CNTNAP5: variants seen among roughly 807,000 people sequenced by gnomAD.
CNTNAP5 encodes the protein contactin associated protein family member 5.
A neutral mutation model predicts 150.2 loss-of-function variants in CNTNAP5; 72 were observed. The observed-to-expected ratio is 0.48, with a 90% CI of 0.40 to 0.58. The LOEUF (loss-of-function observed/expected upper bound fraction) is 0.58. Ranked by LOEUF, CNTNAP5 falls within the 20% of genes least tolerant of loss-of-function variation. CNTNAP5 has a pLI of 0.00. For missense variants in CNTNAP5, 1,636 were observed against 1,626.2 expected, an observed-to-expected ratio of 1.01 and a Z score of -0.10; for synonymous variants, 672 against 619.8, an observed-to-expected ratio of 1.08 and a Z score of -1.25.
rs55913869 is a variant in CNTNAP5, at chr2:124,510,305, A to ATC, written c.1327+5750_1327+5751insCT. ...TATATCTATATATCTATATATCTAT[A>ATC]TATATATCTATATATCTATCTATAT... On this transcript the variant is annotated intron_variant, in intron 8 of 23. Transcript: ENST00000682447. Among the ~76,000 whole-genome samples the ATC allele has an allele frequency of 1.0e-3, 99 of 96,256 alleles. 1 individual carries two copies. Among genetic ancestry groups the ATC allele is most frequent in the African/African-American group, 3.1e-3 (67 of 21,932 alleles). The allele number at this position is 96,256 out of a possible 152,430, so 63.1% of individuals were successfully genotyped here. A position where few individuals can be genotyped will look rare whatever the true frequency, so the allele number is the denominator to read the frequency against.
intron 19 of CNTNAP5, among the ~76,000 whole-genome samples, chr2:124,815,522 C>T (rs1480003968): frequency 6.6e-6 from 1 of 152,098 alleles, no homozygotes; most frequent in African/African-American, 2.4e-5. Flanking sequence ...CCAGAGCGGC[C>T]GAGCTTTCGT....
intron 12 of CNTNAP5, among the ~76,000 whole-genome samples, chr2:124,610,760 A>G (rs1009197387): frequency 1.3e-5 from 2 of 152,136 alleles, no homozygotes; most frequent in African/African-American, 4.8e-5. Context: ...GGAGATCCAG[A>G]CCATCCTGGC....
At chr2:124,646,948 G>A (rs1364277675) in intron 12 of CNTNAP5, among the ~76,000 whole-genome samples, 1 of 152,094 alleles carries the variant, frequency 6.6e-6, no homozygotes, top group Non-Finnish European at 1.5e-5. Context: ...ACTCTAGCCA[G>A]GGCAACAGAG....
chr2:124,098,129 A>G (rs1558754516), intron 1 of CNTNAP5, among the ~76,000 whole-genome samples: 1 of 152,248 alleles, frequency 6.6e-6, no homozygotes, highest in Non-Finnish European at 1.5e-5. Flanking sequence ...AGCCTCAGTG[A>G]TCACGTAAAC....
chr2:124,027,148 T>C (rs1680913860), intron 1 of CNTNAP5, among the ~76,000 whole-genome samples: 1 of 152,240 alleles, frequency 6.6e-6, no homozygotes, highest in Admixed American at 6.5e-5. Flanking sequence ...TAGGAGCCGT[T>C]GGAATCTGAG....
intron 19 of CNTNAP5, among the ~76,000 whole-genome samples, chr2:124,842,376 G>T (rs932184547): frequency 6.6e-6 from 1 of 152,124 alleles, no homozygotes; most frequent in African/African-American, 2.4e-5. Context: ...GAACCTGTTT[G>T]ATTTTGCTTG....
chr2:124,228,353 C>T (rs1220523992), intron 2 of CNTNAP5, among the ~76,000 whole-genome samples: 5 of 152,110 alleles, frequency 3.3e-5, no homozygotes, highest in South Asian at 2.1e-4. Context: ...GATTCAAATG[C>T]CAATATTTTC....
rs143330108 is a variant in CNTNAP5, at chr2:124,912,897, A to G, written c.3728-1195A>G. On this transcript the variant is annotated intron_variant, in intron 23 of 23. Transcript: ENST00000682447. The stretch of plus-strand genomic sequence containing the variant: ...TTAATGCAGCATCCCACTCATGGGA[A>G]TCACTCACTACCACCCAGTTTATTC... 2.9e-3 allele frequency among the ~76,000 whole-genome samples: 448 copies of G among 152,172 alleles called. 3 individuals are homozygous for G. Among genetic ancestry groups the G allele is most frequent in the African/African-American group, 9.9e-3 (410 of 41,556 alleles).
chr2:124,532,065 G>T (rs1695123393), intron 10 of CNTNAP5, among the ~76,000 whole-genome samples: 1 of 152,136 alleles, frequency 6.6e-6, no homozygotes, highest in South Asian at 2.1e-4. Context: ...AAGCTGTAGG[G>T]TGTGGGTTCT....
At chr2:124,418,945 T>G (rs899901416) in intron 4 of CNTNAP5, among the ~76,000 whole-genome samples, 1 of 149,956 alleles carries the variant, frequency 6.7e-6, no homozygotes, top group Non-Finnish European at 1.5e-5. Flanking sequence ...CCATCCTGGC[T>G]AACAAGGTGA....
At chr2:124,357,076 C>T (rs1444474514) in intron 3 of CNTNAP5, among the ~76,000 whole-genome samples, 1 of 152,168 alleles carries the variant, frequency 6.6e-6, no homozygotes, top group Non-Finnish European at 1.5e-5. Context: ...AGCATTTTTT[C>T]ATGTGCTTTT....
chr2:124,488,492 A>T (rs1353370981), intron 7 of CNTNAP5, among the ~76,000 whole-genome samples: 1 of 152,220 alleles, frequency 6.6e-6, no homozygotes, highest in Non-Finnish European at 1.5e-5. Context: ...TCTAATGCCA[A>T]ATCTGTGCTT....
At chr2:124,906,009 T>A (rs1678528498) in intron 22 of CNTNAP5, among the ~76,000 whole-genome samples, 1 of 152,192 alleles carries the variant, frequency 6.6e-6, no homozygotes, top group Non-Finnish European at 1.5e-5. Context: ...GCAGGCCTAT[T>A]GTTTGCTATC....
rs368913883 is a variant in CNTNAP5, at chr2:124,909,826, CATATATATATATAT to C, written c.3656-1622_3656-1609del. Among the ~76,000 whole-genome samples the C allele has an allele frequency of 1.3e-4, 10 of 74,612 alleles. No homozygotes were observed. In the East Asian group the frequency reaches 1.4e-3, roughly 11 times the overall value. 48.9% of individuals were successfully genotyped at this position (74,612 alleles called of 152,430 possible). On this transcript the variant is annotated intron_variant, in intron 22 of 23. Coordinates refer to ENST00000682447, the MANE Select transcript of CNTNAP5 (RefSeq NM_001367498.1). ...TCACCCCATCGTTATCAATTGGTGA[CATATATATATATAT>C]ATATATATATATATATATGTTCTTC...
At chr2:124,591,676 T>G (rs1340467512) in intron 11 of CNTNAP5, among the ~76,000 whole-genome samples, 1 of 152,168 alleles carries the variant, frequency 6.6e-6, no homozygotes, top group Non-Finnish European at 1.5e-5. Context: ...ACTCATATAG[T>G]GAACACCTAC....
At chr2:124,198,760 T>G (rs1351961348) in intron 1 of CNTNAP5, among the ~76,000 whole-genome samples, 3 of 148,840 alleles carry the variant, frequency 2.0e-5, no homozygotes, top group African/African-American at 4.9e-5. Flanking sequence ...ATTTTTTAGG[T>G]TTTTTTTTTC....
chr2:124,027,269 A>G (rs1680918257), intron 1 of CNTNAP5, among the ~76,000 whole-genome samples: 1 of 152,146 alleles, frequency 6.6e-6, no homozygotes, highest in Non-Finnish European at 1.5e-5. Context: ...TAGTAAGAGG[A>G]GGTAAGGCAC....
At position 124,796,899 on chromosome 2, in the gene CNTNAP5, T is replaced by C. The variant is rs774802165; in HGVS notation, c.2993-1197T>C. 2.0e-5 allele frequency among the ~76,000 whole-genome samples: 3 copies of C among 152,194 alleles called. No individual in the cohort carries two copies. In the East Asian group the frequency reaches 5.8e-4, roughly 29 times the overall value. The stretch of plus-strand genomic sequence containing the variant: ...CTTCCCCACACACTCTGTTACTGTA[T>C]AGAGATAAAATTTAAAGTGAACTCA... On this transcript the variant is annotated intron_variant, in intron 18 of 23. Coordinates refer to ENST00000682447, the MANE Select transcript of CNTNAP5 (RefSeq NM_001367498.1).
intron 10 of CNTNAP5, among the ~76,000 whole-genome samples, chr2:124,560,317 G>A (rs111651663): frequency 0.18 from 28,038 of 151,966 alleles, 3,369 homozygotes; most frequent in Non-Finnish European, 0.26. Context: ...AGACCAGACT[G>A]GCCAACCCGT....
Sources: gnomAD v4.1 joint callset for allele counts (sites outside exome capture counted in the v4.1 genomes callset) on GRCh38, gnomAD v4.1.1 for gene constraint, MANE v1.5 for transcripts, NCBI Gene and HGNC (gene_info 2026-07-23, HGNC 2026-07-21) for gene names.